The following DOCK3 variants were observed in gnomAD, a reference collection of about 807,000 sequenced individuals.
The protein encoded by DOCK3 is dedicator of cytokinesis 3.
Under a neutral mutation model 265.6 loss-of-function variants are expected in DOCK3, and 60 were observed. That is an observed-to-expected ratio of 0.23 (90% CI 0.18 to 0.28). The LOEUF (loss-of-function observed/expected upper bound fraction) is 0.28. DOCK3 is among the 10% of genes least tolerant of loss of function. DOCK3 has a pLI of 1.00. For synonymous variants in DOCK3, 881 were observed against 938.0 expected, an observed-to-expected ratio of 0.94 and a Z score of 1.11; for missense variants, 1,981 against 2,594.3, an observed-to-expected ratio of 0.76 and a Z score of 5.14.
Position 51,236,400 on chromosome 3 carries a change from A to G in DOCK3, c.1973A>G (p.Lys658Arg), listed in dbSNP as rs759921555. ...GTGATTTTGGATGATAATACAGAGA[A>G]GTACGGCCTGTTGGTTTTTCAGTCT... Reference protein sequence around the residue: ...LFVILDDNTEKYGLLVFQSLV... With the variant: ...LFVILDDNTERYGLLVFQSLV... Residue 658 changes from lysine (K) to arginine (R), a missense_variant, in exon 20 of 53, where the codon AAG becomes AGG. By Grantham distance (26) the Lys-to-Arg change is conservative. Coordinates refer to ENST00000266037, the MANE Select transcript of DOCK3 (RefSeq NM_004947.5). The G allele has an allele frequency of 8.2e-5, 132 of 1,611,098 alleles. No homozygotes were observed. The highest frequency in any genetic ancestry group is 1.0e-4 in the Non-Finnish European group (122 of 1,179,200).
intron 5 of DOCK3, among the ~76,000 whole-genome samples, chr3:50,966,762 A>G (rs1200789984): frequency 2.0e-5 from 3 of 152,134 alleles, no homozygotes; most frequent in South Asian, 2.1e-4. Flanking sequence ...CTGCACTAAC[A>G]TGGATGTTAG....
intron 2 of DOCK3, among the ~76,000 whole-genome samples, chr3:50,836,537 C>T (rs1051020894): frequency 2.0e-5 from 3 of 152,172 alleles, no homozygotes; most frequent in Admixed American, 1.3e-4. Context: ...ACACAGGGCA[C>T]CAAGTCCTTA....
At chr3:51,122,026 C>T (rs987912817) in intron 9 of DOCK3, among the ~76,000 whole-genome samples, 2 of 152,176 alleles carry the variant, frequency 1.3e-5, no homozygotes, top group Non-Finnish European at 2.9e-5. Flanking sequence ...TACTTGATAA[C>T]TGCTCACTGT....
intron 3 of DOCK3, among the ~76,000 whole-genome samples, chr3:50,858,795 A>T (rs1319267471): frequency 1.3e-5 from 2 of 152,102 alleles, no homozygotes; most frequent in Non-Finnish European, 2.9e-5. Flanking sequence ...CCAATGATTC[A>T]TAGATTTGGC....
intron 5 of DOCK3, among the ~76,000 whole-genome samples, chr3:50,991,005 A>G (rs1029233373): frequency 6.6e-6 from 1 of 152,170 alleles, no homozygotes; most frequent in Non-Finnish European, 1.5e-5. Context: ...ATACCAGCCA[A>G]ACTAAGCTTC....
chr3:51,248,813 G>A (rs1222314729), intron 22 of DOCK3, among the ~76,000 whole-genome samples: 4 of 138,396 alleles, frequency 2.9e-5, no homozygotes, highest in East Asian at 2.2e-4. Flanking sequence ...GCCGCCCATC[G>A]TCTGGGATGT....
At chr3:50,852,064 T>A (rs1431256992) in intron 3 of DOCK3, among the ~76,000 whole-genome samples, 2 of 152,178 alleles carry the variant, frequency 1.3e-5, no homozygotes, top group Admixed American at 1.3e-4. Context: ...AGATCCCCAG[T>A]GGAAAGGTAA....
intron 23 of DOCK3, among the ~76,000 whole-genome samples, chr3:51,269,576 C>G (rs1266468833): frequency 6.6e-6 from 1 of 152,194 alleles, no homozygotes; most frequent in Non-Finnish European, 1.5e-5. Flanking sequence ...TTCACTCACT[C>G]TAAGCCAGTG....
Position 50,702,637 on chromosome 3 carries a change from G to A in DOCK3, c.37+27337G>A, listed in dbSNP as rs545661279. Reference sequence around the variant, plus strand: ...GCCTGTCTTGTCCTCCCAAATGGCTGGGATTACAGATGTGAGCCACTGTGC... The same window carrying A: ...GCCTGTCTTGTCCTCCCAAATGGCTAGGATTACAGATGTGAGCCACTGTGC... On this transcript the variant is annotated intron_variant, in intron 1 of 52. Transcript: ENST00000266037. 3.9e-5 allele frequency among the ~76,000 whole-genome samples: 6 copies of A among 152,100 alleles called. No homozygotes were observed. In the South Asian group the frequency reaches 6.2e-4, roughly 16 times the overall value.
intron 5 of DOCK3, among the ~76,000 whole-genome samples, chr3:50,982,515 G>A (rs556046302): frequency 6.6e-6 from 1 of 152,206 alleles, no homozygotes; most frequent in Non-Finnish European, 1.5e-5. Flanking sequence ...TGTGCCTCAT[G>A]TCCCCAAGGC....
chr3:51,317,739 T>C (rs1458595346), intron 32 of DOCK3, among the ~76,000 whole-genome samples: 3 of 151,792 alleles, frequency 2.0e-5, no homozygotes, highest in African/African-American at 7.3e-5. Context: ...AATGTATACA[T>C]ATATCAAAAC....
At chr3:51,172,120 CTAATT>C (rs908509538) in intron 12 of DOCK3, among the ~76,000 whole-genome samples, 3 of 151,338 alleles carry the variant, frequency 2.0e-5, no homozygotes, top group African/African-American at 7.3e-5. Context: ...TCTATTTTGT[CTAATT>C]TAAGTATTGC....
chr3:51,203,247 A>G (rs2088936090), intron 12 of DOCK3, among the ~76,000 whole-genome samples: 1 of 152,170 alleles, frequency 6.6e-6, no homozygotes, highest in Admixed American at 6.6e-5. Context: ...TGCAGATGAC[A>G]TGATTGTATA....
At chr3:50,997,874 TTAAAA>T (rs2078338802) in intron 5 of DOCK3, among the ~76,000 whole-genome samples, 1 of 152,224 alleles carries the variant, frequency 6.6e-6, no homozygotes, top group Non-Finnish European at 1.5e-5. Context: ...AATTACTTGC[TTAAAA>T]TAAAGCAGAC....
At chr3:50,682,079 C>G (rs1359929523) in intron 1 of DOCK3, among the ~76,000 whole-genome samples, 3 of 152,178 alleles carry the variant, frequency 2.0e-5, no homozygotes, top group African/African-American at 2.4e-5. Flanking sequence ...TGCATCATAG[C>G]TCTTCAGTAA....
At chr3:50,691,153 G>A (rs907104322) in intron 1 of DOCK3, among the ~76,000 whole-genome samples, 4 of 151,500 alleles carry the variant, frequency 2.6e-5, no homozygotes, top group Non-Finnish European at 5.9e-5. Flanking sequence ...GTGTGGTGGC[G>A]GGCACCTGTA....
intron 12 of DOCK3, among the ~76,000 whole-genome samples, chr3:51,181,084 T>A (rs928066998): frequency 2.0e-5 from 3 of 152,218 alleles, no homozygotes; most frequent in African/African-American, 7.2e-5. Flanking sequence ...TTTGTCTTTA[T>A]TTTAATTGAC....
rs911367352 is a variant in DOCK3, at chr3:50,980,199, C to T, written c.315+46122C>T. On this transcript the variant is annotated intron_variant, in intron 5 of 52. Coordinates refer to ENST00000266037, the MANE Select transcript of DOCK3 (RefSeq NM_004947.5). ...TGAATTTTATTAAATGCTTTTTCTG[C>T]GTCTATTGAGATGATAATATGGCTT... 1.1e-4 allele frequency among the ~76,000 whole-genome samples: 16 copies of T among 152,088 alleles called. No homozygotes were observed. In the East Asian group the frequency reaches 1.3e-3, roughly 13 times the overall value.
chr3:51,231,882 AG>A (rs2108427453), intron 19 of DOCK3, among the ~76,000 whole-genome samples: 1 of 152,222 alleles, frequency 6.6e-6, no homozygotes, highest in African/African-American at 2.4e-5. Flanking sequence ...GGATTCTTAT[AG>A]TTTGAGATCT....
Sources: gnomAD v4.1 joint callset for allele counts (sites outside exome capture counted in the v4.1 genomes callset) on GRCh38, gnomAD v4.1.1 for gene constraint, MANE v1.5 for transcripts, NCBI Gene and HGNC (gene_info 2026-07-23, HGNC 2026-07-21) for gene names.